The following CDK12 variants were observed in gnomAD, a reference collection of about 807,000 sequenced individuals.
CDK12 encodes the protein cyclin dependent kinase 12.
Under a neutral mutation model 133.8 loss-of-function variants are expected in CDK12, and 17 were observed. That is an observed-to-expected ratio of 0.13 (90% confidence interval 0.09 to 0.19). The LOEUF (loss-of-function observed/expected upper bound fraction) is 0.19, where lower values mean the gene tolerates loss of function less well. CDK12 is among the 10% of genes least tolerant of loss of function. The pLI, the probability that CDK12 is intolerant of heterozygous loss-of-function variation, is 1.00. For synonymous variants in CDK12, 694 were observed against 683.6 expected (o/e 1.02, Z -0.24); for missense variants, 1,508 against 1,818.7 (o/e 0.83, Z 3.11).
intron 6 of CDK12, among the ~76,000 whole-genome samples, chr17:39,503,570 A>G (rs1384868960): frequency 1.3e-5 from 2 of 152,192 alleles, no homozygotes; most frequent in Non-Finnish European, 2.9e-5. Flanking sequence ...GCAGGGAATA[A>G]TTGCAGCTCC....
chr17:39,526,124 C>G lies in CDK12; in HGVS notation c.3568C>G (p.Pro1190Ala), dbSNP rs368130848. 41 of 1,614,222 alleles carry G rather than the reference C, an allele frequency of 2.5e-5. No individual in the cohort carries two copies. In the African/African-American group the frequency reaches 5.1e-4, roughly 20 times the overall value. The change falls in exon 13 of 14, where the codon CCT becomes GCT. Residue 1190 changes from proline (P) to alanine (A), a missense_variant. By Grantham distance (27) the Pro-to-Ala change is conservative. Around this residue, in one of 9 missense-constraint regions of CDK12, gnomAD observed 399 missense variants for 469.6 expected, o/e 0.85. Coordinates refer to ENST00000447079, the MANE Select transcript of CDK12 (RefSeq NM_016507.4). ...AGCACCCTCTGCCCCAGTGATCCTG[C>G]CTTCAGCAGAACAGACGACCCTTGA... ...KEAPSAPVIL[P>A]SAEQTTLEAS...
chr17:39,561,013 CA>C (rs765704467), intron 3 of CDK12, among the ~76,000 whole-genome samples: 8 of 150,454 alleles, frequency 5.3e-5, no homozygotes. Flanking sequence ...GACTCTGTCT[CA>C]AAAAAAAACA....
At position 39,525,849 on chromosome 17, in the gene CDK12, A is replaced by G; in HGVS notation, c.3308-15A>G. 1 of 1,605,220 alleles carries G rather than the reference A, an allele frequency of 6.2e-7. No individual in the cohort carries two copies. The stretch of plus-strand genomic sequence containing the variant: ...TATCTCATCGTCTTATATTGGCTTC[A>G]CTGTCTTTCAACAGGCCTTGCTGAC... On this transcript the variant is annotated splice_polypyrimidine_tract_variant and intron_variant, in intron 12 of 13. Transcript: ENST00000447079.
chr17:39,491,222 T>G (rs560381081), intron 3 of CDK12, among the ~76,000 whole-genome samples: 11 of 152,096 alleles, frequency 7.2e-5, no homozygotes, highest in Non-Finnish European at 1.2e-4. Context: ...TGAGCACGTA[T>G]TATTGTCGTA....
rs796501956 is a variant in CDK12, at chr17:39,462,169, G to A, written c.98G>A (p.Arg33Lys). The A allele has an allele frequency of 6.2e-7, 1 of 1,614,118 alleles. No homozygotes were observed. Among genetic ancestry groups the A allele is most frequent in the African/African-American group, 1.3e-5 (1 of 74,946 alleles). ...PSSGGGSSNS[R>K]ERHRLVSKHK... ...TCGGGAGGCGGCAGCTCTAACAGCAGAGAGCGTCACCGCTTGGTATCGAAG... is the reference window on the plus strand; with the variant it reads ...TCGGGAGGCGGCAGCTCTAACAGCAAAGAGCGTCACCGCTTGGTATCGAAG... Residue 33 changes from arginine (R) to lysine (K), a missense_variant, in exon 1 of 14, where the codon AGA becomes AAA. Coordinates refer to ENST00000447079, the MANE Select transcript of CDK12 (RefSeq NM_016507.4).
At chr17:39,515,831 G>T (rs764924790) in intron 9 of CDK12, 23 bp downstream of exon 9, 2 of 1,524,596 alleles carry the variant, frequency 1.3e-6, no homozygotes, top group Non-Finnish European at 1.8e-6. Context: ...ATGTGCTCTT[G>T]AGTGCCCAGG....
At chr17:39,528,123 T>C (rs2054603259) in intron 13 of CDK12, among the ~76,000 whole-genome samples, 1 of 151,708 alleles carries the variant, frequency 6.6e-6, no homozygotes, top group Non-Finnish European at 1.5e-5. Flanking sequence ...TTTCACTGTG[T>C]TGGCCAGGCT....
At chr17:39,542,397 G>A (rs1053933429) in intron 1 of CDK12, among the ~76,000 whole-genome samples, 1 of 152,190 alleles carries the variant, frequency 6.6e-6, no homozygotes, top group Non-Finnish European at 1.5e-5. Flanking sequence ...CACCATGTTG[G>A]CCAGTCTGAT....
At chr17:39,494,166 C>T (rs932724494) in intron 4 of CDK12, among the ~76,000 whole-genome samples, 3 of 152,018 alleles carry the variant, frequency 2.0e-5, no homozygotes, top group South Asian at 2.1e-4. Context: ...CTCTGCCTCC[C>T]GGGTTCAAGC....
At chr17:39,494,870 C>T (rs543846815) in intron 5 of CDK12, among the ~76,000 whole-genome samples, 176 bp downstream of exon 5, 84 of 151,042 alleles carry the variant, frequency 5.6e-4, no homozygotes, top group Non-Finnish European at 9.7e-4. Flanking sequence ...CCTGGGTTCA[C>T]GCCATTCTCC....
At position 39,540,733 on chromosome 17, in the gene CDK12, G is replaced by A. The variant is rs534079694; in HGVS notation, c.451-3516G>A. 2.6e-5 allele frequency among the ~76,000 whole-genome samples: 4 copies of A among 152,250 alleles called. No individual in the cohort carries two copies. The South Asian group carries it at 8.3e-4, about 32-fold the overall frequency. On this transcript the variant is annotated intron_variant and NMD_transcript_variant, in intron 1 of 4. Coordinates refer to the CDK12 transcript ENST00000559663. Reference sequence around the variant, plus strand: ...AAGTGGGAGCCCCCATTTATTAATTGGGCTGGGACTGGGGCGGGGGTCGGC... The same window carrying A: ...AAGTGGGAGCCCCCATTTATTAATTAGGCTGGGACTGGGGCGGGGGTCGGC...
chr17:39,547,986 C>G (rs1245766393), upstream of CDK12, among the ~76,000 whole-genome samples: 1 of 152,100 alleles, frequency 6.6e-6, no homozygotes, highest in Non-Finnish European at 1.5e-5. Context: ...GCATGGGGTA[C>G]CTTGAGCACC....
At position 39,471,118 on chromosome 17, in the gene CDK12, G is replaced by C. The variant is rs1335078768; in HGVS notation, c.1286G>C (p.Arg429Thr). The C allele has an allele frequency of 6.2e-7, 1 of 1,607,768 alleles. No individual in the cohort carries two copies. Among genetic ancestry groups the C allele is most frequent in the East Asian group, 2.2e-5 (1 of 44,860 alleles). Residue 429 changes from arginine to threonine, a missense_variant, in exon 2 of 14, where the codon AGA becomes ACA. Physicochemically the swap from Arg to Thr is moderately conservative, Grantham distance 71. Transcript: ENST00000447079. ...ESKGSPVFLP[R>T]KENSSVEAKD... The stretch of plus-strand genomic sequence containing the variant: ...AAGGGTTCACCTGTATTTTTGCCTA[G>C]AAAAGAGAACAGTTCAGTAGAGGCT...
intron 2 of CDK12, among the ~76,000 whole-genome samples, chr17:39,483,268 CTTT>C (rs879881959): frequency 7.0e-6 from 1 of 143,586 alleles, no homozygotes; most frequent in Non-Finnish European, 1.5e-5. Flanking sequence ...TGTTTCTTTT[CTTT>C]TTTTTTTTTA....
chr17:39,462,769 A>G lies in CDK12; in HGVS notation c.698A>G (p.Gln233Arg). Residue 233 changes from glutamine to arginine, a missense_variant, in exon 1 of 14, where the codon CAA becomes CGA. By Grantham distance (43) the Gln-to-Arg change is conservative. This residue lies in a region of CDK12 where 460 missense variants were observed against 490.8 expected (regional missense o/e 0.94). Coordinates refer to ENST00000447079, the MANE Select transcript of CDK12 (RefSeq NM_016507.4). ...PHRKWSDSSK[Q>R]DDSPSGASYG... The stretch of plus-strand genomic sequence containing the variant: ...AGGAAGTGGTCTGACAGCTCCAAAC[A>G]AGATGATAGCCCCTCGGGAGCTTCT... The G allele has an allele frequency of 3.1e-6, 5 of 1,614,208 alleles. No homozygotes were observed. The South Asian group carries it at 5.5e-5, about 18-fold the overall frequency.
chr17:39,499,300 TG>T (rs1736283720), intron 5 of CDK12, among the ~76,000 whole-genome samples: 2 of 148,184 alleles, frequency 1.3e-5, no homozygotes, highest in African/African-American at 5.0e-5. Flanking sequence ...CTCCGCCTCC[TG>T]GGTTCAAGCG....
chr17:39,464,393 T>C (rs1166628858), intron 1 of CDK12, among the ~76,000 whole-genome samples: 1 of 80,478 alleles, frequency 1.2e-5, no homozygotes, highest in African/African-American at 3.1e-5. Context: ...GCTAATTTTT[T>C]TTTTCTTTTT....
intron 8 of CDK12, among the ~76,000 whole-genome samples, chr17:39,514,231 G>T (rs1030105071): frequency 6.6e-6 from 1 of 152,038 alleles, no homozygotes; most frequent in Non-Finnish European, 1.5e-5. Context: ...TCTGAATAGG[G>T]TTTGAGAGAA....
intron 1 of CDK12, among the ~76,000 whole-genome samples, chr17:39,464,319 C>T (rs1229818177): frequency 6.6e-6 from 1 of 151,692 alleles, no homozygotes; most frequent in Non-Finnish European, 1.5e-5. Flanking sequence ...TTCCCAGGCT[C>T]AAGCAATCCG....
Sources: gnomAD v4.1 joint callset for allele counts (sites outside exome capture counted in the v4.1 genomes callset) on GRCh38, gnomAD v4.1.1 for gene constraint, gnomAD v4.1.1 regional missense constraint, MANE v1.5 for transcripts, NCBI Gene and HGNC (gene_info 2026-07-23, HGNC 2026-07-21) for gene names.